SP3: variants seen among roughly 807,000 people sequenced by gnomAD.
SP3 encodes Sp3 transcription factor.
In SP3, 10 loss-of-function variants were observed where a neutral mutation model predicts 70.3. That is an observed-to-expected ratio of 0.14 (90% CI 0.09 to 0.24). SP3 has a LOEUF of 0.24. SP3 is among the 10% of genes least tolerant of loss of function. The pLI is 1.00. For missense variants in SP3, 825 were observed against 914.6 expected (o/e 0.90, Z 1.26); for synonymous variants, 402 against 333.5 (o/e 1.21, Z -2.24).
intron 4 of SP3, among the ~76,000 whole-genome samples, chr2:173,946,899 G>A (rs1017324196): frequency 2.1e-5 from 3 of 143,642 alleles, no homozygotes; most frequent in African/African-American, 5.0e-5. Context: ...TTTTTTTTAA[G>A]GTAGACGGAG....
At chr2:173,962,178 T>C (rs913123728) in intron 3 of SP3, among the ~76,000 whole-genome samples, 1 of 152,194 alleles carries the variant, frequency 6.6e-6, no homozygotes, top group African/African-American at 2.4e-5. Context: ...TATTCTATCC[T>C]TGGGCCTCAG....
intron 4 of SP3, among the ~76,000 whole-genome samples, chr2:173,921,184 TAA>T (rs909791438): frequency 7.2e-5 from 11 of 152,206 alleles, no homozygotes; most frequent in African/African-American, 2.7e-4. Flanking sequence ...TAGGAACTGT[TAA>T]AGACAATTTT....
chr2:173,912,177 T>C (rs1314329070), intron 6 of SP3, among the ~76,000 whole-genome samples: 1 of 152,232 alleles, frequency 6.6e-6, no homozygotes, highest in Non-Finnish European at 1.5e-5. Flanking sequence ...CTCATCTGTC[T>C]ACCTACCCAA....
In SP3 at chr2:173,964,557, C is replaced by CA. The variant is rs748636786; in HGVS notation, c.8-5dup. 3.3e-5 allele frequency: 21 copies of CA among 634,032 alleles called. No homozygotes were observed. Among genetic ancestry groups the CA allele is most frequent in the Middle Eastern group, 3.3e-4 (1 of 2,994 alleles). The allele number at this position is 634,032 out of a possible 1,614,324, so 39.3% of individuals were successfully genotyped here. The stretch of plus-strand genomic sequence containing the variant: ...TGTTTCACGGGCTTTTCGGGAGCTG[C>CA]AGGCACAGCGCGGGGGGGTGGGGGT... On this transcript the variant is annotated splice_region_variant and splice_polypyrimidine_tract_variant and intron_variant, in intron 1 of 6. Coordinates refer to ENST00000310015, the MANE Select transcript of SP3 (RefSeq NM_003111.5).
chr2:173,916,237 C>G (rs1689616059), intron 5 of SP3: 1 of 151,914 alleles, frequency 6.6e-6, no homozygotes, highest in South Asian at 2.1e-4. Flanking sequence ...AATGAAGTCA[C>G]AAAAGTTCTA....
At chr2:173,913,922 A>G (rs1689558369) in intron 5 of SP3, 1 of 152,184 alleles carries the variant, frequency 6.6e-6, no homozygotes, top group South Asian at 2.1e-4. Flanking sequence ...CCTTCATATT[A>G]ACCATGTAAA....
intron 4 of SP3, among the ~76,000 whole-genome samples, chr2:173,927,353 G>GC (rs1689945221): frequency 1.3e-5 from 2 of 150,890 alleles, no homozygotes; most frequent in East Asian, 3.9e-4. Flanking sequence ...TCCGCTCACT[G>GC]CAACTTCCAC....
intron 1 of SP3, 22 bp from the exon 2 acceptor site, chr2:173,964,575 G>C (rs1250999072): frequency 1.5e-6 from 1 of 674,702 alleles, no homozygotes; most frequent in Non-Finnish European, 2.8e-6. Flanking sequence ...GCGCGGGGGG[G>C]TGGGGGTGGG....
At chr2:173,963,073 T>C (rs1390098544) in intron 3 of SP3, 3 of 152,222 alleles carry the variant, frequency 2.0e-5, no homozygotes, top group African/African-American at 4.8e-5. Flanking sequence ...TCCTTACACA[T>C]ACTTTTCTAA....
intron 2 of SP3, 40 bp from the exon 3 acceptor site, chr2:173,963,923 A>G (rs780530500): frequency 3.3e-5 from 43 of 1,305,952 alleles, no homozygotes; most frequent in South Asian, 1.7e-4. Flanking sequence ...AGACAGGGGG[A>G]GGGGGTGGCG....
intron 2 of SP3, 34 bp downstream of exon 2, chr2:173,964,371 G>A (rs761933836): frequency 4.4e-6 from 3 of 676,674 alleles, no homozygotes; most frequent in South Asian, 1.5e-5. Flanking sequence ...GCGGCGCGAG[G>A]GGGGAGCCGG....
At chr2:173,947,129 T>G (rs78005821) in intron 4 of SP3, among the ~76,000 whole-genome samples, 18,378 of 152,242 alleles carry the variant, frequency 0.12, 1,340 homozygotes, top group Middle Eastern at 0.18. Flanking sequence ...AGAGATGAAC[T>G]TATTTCTACT....
chr2:173,956,199 C>T lies in SP3; in HGVS notation c.313G>A (p.Ala105Thr), dbSNP rs1011249697. ...GDLASAQLGG[A>T]PNRWEVLSAT... Reference sequence around the variant, plus strand: ...GACAAAACCTCCCATCGGTTTGGTGCTCCTCCTAACTGTGCAGAAGCCAAA... The same window carrying T: ...GACAAAACCTCCCATCGGTTTGGTGTTCCTCCTAACTGTGCAGAAGCCAAA... The change falls in exon 4 of 7, where the codon GCA becomes ACA. Residue 105 changes from alanine (A) to threonine (T), a missense_variant. By Grantham distance (58) the Ala-to-Thr change is moderately conservative. Transcript: ENST00000310015. 1 of 1,611,442 alleles carries T rather than the reference C, an allele frequency of 6.2e-7. No individual in the cohort carries two copies. The highest frequency in any genetic ancestry group is 1.7e-5 in the Admixed American group (1 of 59,898).
intron 4 of SP3, among the ~76,000 whole-genome samples, chr2:173,919,867 C>T (rs1689700985): frequency 6.6e-6 from 1 of 152,096 alleles, no homozygotes; most frequent in South Asian, 2.1e-4. Context: ...ACACAACCTA[C>T]AGAAATGCAT....
intron 3 of SP3, among the ~76,000 whole-genome samples, chr2:173,962,343 T>C (rs868464631): frequency 6.6e-6 from 1 of 152,254 alleles, no homozygotes; most frequent in Non-Finnish European, 1.5e-5. Context: ...AGAAGCAATC[T>C]GCTTTTTAAT....
Position 173,919,543 on chromosome 2 carries a change from T to C in SP3, c.1640-758A>G, listed in dbSNP as rs1480591489. Among the ~76,000 whole-genome samples, 3 of 152,130 alleles carry C rather than the reference T, an allele frequency of 2.0e-5. No individual in the cohort carries two copies. In the East Asian group the frequency reaches 5.8e-4, roughly 29 times the overall value. The stretch of plus-strand genomic sequence containing the variant: ...CTAGTTATTCTTAGAAATCCACTAT[T>C]TATAAGGCTCAGGAGAAACAAAAGT... On this transcript the variant is annotated intron_variant, in intron 4 of 6. Transcript: ENST00000310015.
intron 4 of SP3, among the ~76,000 whole-genome samples, chr2:173,933,336 G>A (rs72911175): frequency 0.044 from 6,684 of 151,698 alleles, 193 homozygotes; most frequent in South Asian, 0.096. Context: ...GCCACATTTC[G>A]AGTGCTTAAT....
At chr2:173,915,417 A>C (rs1477223282) in intron 5 of SP3, 2 of 152,198 alleles carry the variant, frequency 1.3e-5, no homozygotes, top group African/African-American at 4.8e-5. Flanking sequence ...AACAAAGTTC[A>C]GGAATAAAAG....
At chr2:173,933,905 G>A (rs999557976) in intron 4 of SP3, among the ~76,000 whole-genome samples, 6 of 151,582 alleles carry the variant, frequency 4.0e-5, no homozygotes, top group South Asian at 2.1e-4. Context: ...GCCCTTCAAC[G>A]AAATTCCTGA....
Sources: allele counts gnomAD v4.1 joint callset (sites outside exome capture counted in the v4.1 genomes callset), GRCh38; gene constraint gnomAD v4.1.1; transcripts MANE v1.5; gene names NCBI Gene and HGNC (gene_info 2026-07-23, HGNC 2026-07-21).